The following GFRA2 variants were observed in gnomAD, a reference collection of about 807,000 sequenced individuals.
GFRA2 encodes the protein GDNF family receptor alpha 2.
In GFRA2, 17 loss-of-function variants were observed where a neutral mutation model predicts 48.3. The observed-to-expected ratio is 0.35, with a 90% CI of 0.24 to 0.53. The LOEUF is 0.53. Ranked by LOEUF, GFRA2 falls within the 20% of genes least tolerant of loss-of-function variation. The pLI is 0.93. For missense variants in GFRA2, 660 were observed against 637.3 expected (o/e 1.04, Z -0.38); for synonymous variants, 305 against 257.2 (o/e 1.19, Z -1.78).
At chr8:21,807,918 AAATT>A (rs1203985768) in intron 1 of GFRA2, among the ~76,000 whole-genome samples, 1 of 152,232 alleles carries the variant, frequency 6.6e-6, no homozygotes, top group Non-Finnish European at 1.5e-5. Flanking sequence ...CTGATAAGAA[AAATT>A]ACTATGCAGA....
At position 21,811,254 on chromosome 8, in the gene GFRA2, G is replaced by A. The variant is rs528153194; in HGVS notation, c.-148+977C>T. Among the ~76,000 whole-genome samples, 44 of 152,202 alleles carry A rather than the reference G, an allele frequency of 2.9e-4. No individual in the cohort carries two copies. In the South Asian group the frequency reaches 6.4e-3, roughly 22 times the overall value. ...GAACAGAAGCAGGAATCGGCCTCCC[G>A]GTGAGGCATCCTCACAGCGGGTCTT... is the stretch of plus-strand genomic sequence containing the variant. On this transcript the variant is annotated intron_variant, in intron 1 of 10. Transcript: ENST00000517328.
intron 3 of GFRA2, among the ~76,000 whole-genome samples, chr8:21,761,448 C>T (rs4237079): frequency 0.99 from 150,614 of 152,340 alleles, 74,551 homozygotes; most frequent in Middle Eastern, 1. Context: ...GTGGGGAAGA[C>T]GGAGGACCTG....
At chr8:21,776,825 G>A (rs1230629610) in intron 2 of GFRA2, among the ~76,000 whole-genome samples, 1 of 151,910 alleles carries the variant, frequency 6.6e-6, no homozygotes, top group Non-Finnish European at 1.5e-5. Context: ...GGGGCCTTTG[G>A]GCCCCTGTCC....
intron 4 of GFRA2, among the ~76,000 whole-genome samples, chr8:21,706,691 T>G (rs1802765777): frequency 6.6e-6 from 1 of 152,144 alleles, no homozygotes; most frequent in Non-Finnish European, 1.5e-5. Context: ...TCCCTTCCCC[T>G]GGTGACGGTA....
Position 21,704,993 on chromosome 8 carries a change from G to A in GFRA2, c.1037C>T (p.Pro346Leu). 3 of 1,610,024 alleles carry A rather than the reference G, an allele frequency of 1.9e-6. No homozygotes were observed. The highest frequency in any genetic ancestry group is 2.5e-6 in the Non-Finnish European group (3 of 1,178,554). ...EKFLRDFTEN[P>L]CLRNAIQAFG... ...GAACATCCAGAACTTACGGAGGCAT[G>A]GGTTCTCGGTGAAGTCCCTGAGGAA... The change falls in exon 6 of 9, where the codon CCA (proline) becomes CTA (leucine). Residue 346 changes from proline to leucine, a missense_variant. Physicochemically the swap from Pro to Leu is moderately conservative, Grantham distance 98. Transcript: ENST00000524240.
chr8:21,714,774 G>A (rs1377182529), intron 4 of GFRA2, among the ~76,000 whole-genome samples: 3 of 152,260 alleles, frequency 2.0e-5, no homozygotes, highest in African/African-American at 7.2e-5. Flanking sequence ...ACAACCTGCA[G>A]CCAGCACACC....
intron 4 of GFRA2, among the ~76,000 whole-genome samples, chr8:21,715,171 C>T (rs1319595408): frequency 6.6e-6 from 1 of 152,192 alleles, no homozygotes; most frequent in Non-Finnish European, 1.5e-5. Context: ...AGTCAAGGAC[C>T]AACTTGGCTC....
intron 4 of GFRA2, among the ~76,000 whole-genome samples, chr8:21,733,334 C>G (rs138226141): frequency 1.3e-5 from 2 of 152,286 alleles, no homozygotes; most frequent in Non-Finnish European, 2.9e-5. Context: ...ACACCCAGGC[C>G]CTGGCCTGCC....
chr8:21,735,882 G>A (rs1804436712), intron 4 of GFRA2, among the ~76,000 whole-genome samples: 1 of 152,008 alleles, frequency 6.6e-6, no homozygotes, highest in Non-Finnish European at 1.5e-5. Flanking sequence ...ATGTTACCCA[G>A]GGCTGCTCTT....
chr8:21,743,595 A>G (rs1804857172), intron 4 of GFRA2, among the ~76,000 whole-genome samples: 1 of 152,166 alleles, frequency 6.6e-6, no homozygotes, highest in Non-Finnish European at 1.5e-5. Context: ...AATCGAACAC[A>G]ATGCCTGGCC....
chr8:21,695,882 T>C (rs554135887), intron 7 of GFRA2, among the ~76,000 whole-genome samples: 1 of 152,270 alleles, frequency 6.6e-6, no homozygotes, highest in South Asian at 2.1e-4. Context: ...CTATGGCTTG[T>C]TGGAGTCTGT....
At chr8:21,794,649 C>A (rs1807636559) in intron 2 of GFRA2, among the ~76,000 whole-genome samples, 1 of 152,170 alleles carries the variant, frequency 6.6e-6, no homozygotes. Flanking sequence ...AGAAAGGATT[C>A]TGTCAGGTGC....
At chr8:21,719,045 C>A (rs2117436691) in intron 4 of GFRA2, among the ~76,000 whole-genome samples, 1 of 152,250 alleles carries the variant, frequency 6.6e-6, no homozygotes, top group Non-Finnish European at 1.5e-5. Context: ...GCCTGGAGCT[C>A]ACCCAGTGTC....
intron 2 of GFRA2, among the ~76,000 whole-genome samples, chr8:21,776,512 G>A (rs1478954342): frequency 4.1e-5 from 6 of 147,384 alleles, no homozygotes; most frequent in Non-Finnish European, 7.4e-5. Context: ...CTCTCACCCA[G>A]GCTGGAGTAC....
chr8:21,795,424 A>G (rs1404648863), intron 2 of GFRA2, among the ~76,000 whole-genome samples: 1 of 147,632 alleles, frequency 6.8e-6, no homozygotes, highest in Non-Finnish European at 1.5e-5. Context: ...ACAGAGTCTC[A>G]GTCTGTCACC....
intron 4 of GFRA2, among the ~76,000 whole-genome samples, chr8:21,732,038 G>A (rs1308612177): frequency 6.6e-6 from 1 of 152,208 alleles, no homozygotes; most frequent in Non-Finnish European, 1.5e-5. Context: ...GTATTTATGG[G>A]CCCTGAGTCG....
chr8:21,807,444 G>C (rs1807893447), intron 1 of GFRA2, among the ~76,000 whole-genome samples: 1 of 152,182 alleles, frequency 6.6e-6, no homozygotes, highest in Non-Finnish European at 1.5e-5. Flanking sequence ...AAATTACCCG[G>C]TCTGCGGTAT....
intron 4 of GFRA2, among the ~76,000 whole-genome samples, chr8:21,711,524 G>C (rs1483678525): frequency 6.6e-6 from 1 of 152,164 alleles, no homozygotes; most frequent in Non-Finnish European, 1.5e-5. Context: ...GCAGCAGCAG[G>C]AGACAGAGAG....
At chr8:21,722,137 T>TC (rs570254234) in intron 4 of GFRA2, among the ~76,000 whole-genome samples, 289 of 152,306 alleles carry the variant, frequency 1.9e-3, no homozygotes, top group African/African-American at 6.7e-3. Flanking sequence ...GTTTAGCTGA[T>TC]CCCAGAAACC....
Sources: gnomAD v4.1 joint callset for allele counts (sites outside exome capture counted in the v4.1 genomes callset) on GRCh38, gnomAD v4.1.1 for gene constraint, MANE v1.5 for transcripts, NCBI Gene and HGNC (gene_info 2026-07-23, HGNC 2026-07-21) for gene names.